The following CFAP299 variants were observed in gnomAD, a reference collection of about 807,000 sequenced individuals.
The protein encoded by CFAP299 is cilia- and flagella-associated protein 299.
Under a neutral mutation model 27.0 loss-of-function variants are expected in CFAP299, and 21 were observed. The ratio of observed to expected loss-of-function variants is 0.78; its 90% CI spans 0.55 to 1.12. The LOEUF is 1.12. Among genes scored for constraint, CFAP299 ranks in the 50% most tolerant of loss-of-function variants. CFAP299 has a pLI of 0.00. For missense variants in CFAP299, 310 were observed against 276.6 expected (o/e 1.12, Z -0.86); for synonymous variants, 104 against 98.1 (o/e 1.06, Z -0.36).
chr4:80,840,873 T>C (rs2110138710), intron 3 of CFAP299, among the ~76,000 whole-genome samples: 1 of 152,238 alleles, frequency 6.6e-6, no homozygotes, highest in Admixed American at 6.5e-5. Context: ...CCCACCTCCT[T>C]TCTTTTATGT....
chr4:80,382,140 C>T (rs1044961390), intron 2 of CFAP299, among the ~76,000 whole-genome samples: 6 of 152,224 alleles, frequency 3.9e-5, no homozygotes, highest in African/African-American at 1.4e-4. Flanking sequence ...CTTCCTCACA[C>T]CATATTCAAA....
intron 4 of CFAP299, among the ~76,000 whole-genome samples, chr4:80,923,615 A>G (rs1389523317): frequency 6.6e-6 from 1 of 151,998 alleles, no homozygotes; most frequent in East Asian, 1.9e-4. Context: ...AGTCTTCATG[A>G]ATTTCAGTTA....
chr4:80,371,341 G>A lies in CFAP299; in HGVS notation c.242+8457G>A, dbSNP rs947896520. Reference sequence around the variant, plus strand: ...GAAGGTCTCTGGAATGCCTTTTGAGGCCTTTTCCCCATTATCTTGGCTATT... The same window carrying A: ...GAAGGTCTCTGGAATGCCTTTTGAGACCTTTTCCCCATTATCTTGGCTATT... On this transcript the variant is annotated intron_variant, in intron 2 of 5. Coordinates refer to ENST00000358105, the MANE Select transcript of CFAP299 (RefSeq NM_152770.3). Among the ~76,000 whole-genome samples the A allele has an allele frequency of 2.6e-5, 4 of 152,126 alleles. No homozygotes were observed. In the East Asian group the frequency reaches 5.8e-4, roughly 22 times the overall value.
At chr4:80,475,498 T>A (rs1424612998) in intron 2 of CFAP299, among the ~76,000 whole-genome samples, 2 of 152,194 alleles carry the variant, frequency 1.3e-5, no homozygotes, top group East Asian at 3.9e-4. Flanking sequence ...ACATCCAAGT[T>A]ATTTTTGGCC....
chr4:80,615,213 G>C (rs1184163325), intron 3 of CFAP299, among the ~76,000 whole-genome samples: 1 of 152,008 alleles, frequency 6.6e-6, no homozygotes, highest in African/African-American at 2.4e-5. Context: ...TAGACTTTAG[G>C]AACTCTGATT....
intron 2 of CFAP299, among the ~76,000 whole-genome samples, chr4:80,411,478 AT>A (rs142752511): frequency 6.6e-6 from 1 of 152,146 alleles, no homozygotes. Flanking sequence ...AAACAATCTA[AT>A]TTTTTTATCA....
Position 80,869,976 on chromosome 4 carries a change from C to G in CFAP299, c.334-17C>G. On this transcript the variant is annotated splice_polypyrimidine_tract_variant and intron_variant, in intron 3 of 5. Transcript: ENST00000358105. ...CTCTTTTATATTTTTGTCTTATTCTCTATTCTGTGCTACCAGTCCGTGATC... is the reference window on the plus strand; with the variant it reads ...CTCTTTTATATTTTTGTCTTATTCTGTATTCTGTGCTACCAGTCCGTGATC... The G allele has an allele frequency of 6.3e-7, 1 of 1,591,674 alleles. No individual in the cohort carries two copies. Among genetic ancestry groups the G allele is most frequent in the Non-Finnish European group, 8.5e-7 (1 of 1,170,080 alleles).
At chr4:80,335,494 C>T (rs373753038), upstream of CFAP299, among the ~76,000 whole-genome samples, 6 of 152,184 alleles carry the variant, frequency 3.9e-5, no homozygotes, top group East Asian at 3.9e-4. Context: ...TACTTTTTAA[C>T]TTTGGATTGC....
chr4:80,427,879 T>G (rs1727602778), intron 2 of CFAP299, among the ~76,000 whole-genome samples: 1 of 152,218 alleles, frequency 6.6e-6, no homozygotes, highest in African/African-American at 2.4e-5. Flanking sequence ...TCTTTATTGC[T>G]TCAGATTTTT....
intron 3 of CFAP299, among the ~76,000 whole-genome samples, chr4:80,610,740 G>T (rs749010293): frequency 1.3e-5 from 2 of 151,842 alleles, no homozygotes; most frequent in Non-Finnish European, 2.9e-5. Context: ...CAAACCCATC[G>T]ATTCTATTCA....
At chr4:80,922,947 A>G (rs1736117817) in intron 4 of CFAP299, among the ~76,000 whole-genome samples, 1 of 151,592 alleles carries the variant, frequency 6.6e-6, no homozygotes. Flanking sequence ...CATATATTTG[A>G]AAGAGAGAAT....
upstream of CFAP299, among the ~76,000 whole-genome samples, chr4:80,334,957 A>T (rs1722065598): frequency 6.6e-6 from 1 of 152,230 alleles, no homozygotes; most frequent in African/African-American, 2.4e-5. Flanking sequence ...GATGGTTTGT[A>T]AAATATTAAA....
chr4:80,810,026 T>G (rs767994450), intron 3 of CFAP299, among the ~76,000 whole-genome samples: 2 of 152,066 alleles, frequency 1.3e-5, no homozygotes, highest in Non-Finnish European at 2.9e-5. Flanking sequence ...TAATAATATA[T>G]GTAAAACACT....
intron 3 of CFAP299, among the ~76,000 whole-genome samples, chr4:80,795,443 G>C (rs1280878111): frequency 6.6e-6 from 1 of 152,144 alleles, no homozygotes; most frequent in Non-Finnish European, 1.5e-5. Context: ...TGCTGCAGCT[G>C]TCCACTTTCA....
intron 2 of CFAP299, among the ~76,000 whole-genome samples, chr4:80,572,643 G>A (rs529310004): frequency 8.7e-5 from 13 of 149,290 alleles, no homozygotes; most frequent in African/African-American, 3.2e-4. Flanking sequence ...TCAGCCTCCC[G>A]AGTAGCTGGG....
At chr4:80,887,931 T>A (rs1007797681) in intron 4 of CFAP299, among the ~76,000 whole-genome samples, 4 of 152,048 alleles carry the variant, frequency 2.6e-5, no homozygotes, top group African/African-American at 9.7e-5. Flanking sequence ...TATGAGACAG[T>A]ATATGCTAGC....
chr4:80,748,226 A>T (rs1724732128), intron 3 of CFAP299, among the ~76,000 whole-genome samples: 1 of 151,960 alleles, frequency 6.6e-6, no homozygotes, highest in Admixed American at 6.6e-5. Context: ...CTTGTTCAAG[A>T]CTCTAAGTTA....
intron 3 of CFAP299, among the ~76,000 whole-genome samples, chr4:80,719,021 C>T (rs528720817): frequency 6.6e-6 from 1 of 152,174 alleles, no homozygotes; most frequent in East Asian, 1.9e-4. Flanking sequence ...GGCCATTATT[C>T]TTAGTAAACT....
At chr4:80,612,078 A>AT (rs34203264) in intron 3 of CFAP299, among the ~76,000 whole-genome samples, 8,316 of 149,126 alleles carry the variant, frequency 0.056, 773 homozygotes, top group African/African-American at 0.19. Flanking sequence ...AGTATGTGCC[A>AT]TTTTTTTTTT....
Sources: gnomAD v4.1 joint callset for allele counts (sites outside exome capture counted in the v4.1 genomes callset) on GRCh38, gnomAD v4.1.1 for gene constraint, MANE v1.5 for transcripts, NCBI Gene and HGNC (gene_info 2026-07-23, HGNC 2026-07-21) for gene names.